The following SPTA1 variants were observed in gnomAD, a reference collection of about 807,000 sequenced individuals.
SPTA1 encodes spectrin alpha chain, erythrocytic 1.
In SPTA1, 177 loss-of-function variants were observed where a neutral mutation model predicts 324.7. The ratio of observed to expected loss-of-function variants is 0.55; its 90% CI spans 0.48 to 0.62. The LOEUF (loss-of-function observed/expected upper bound fraction) is 0.62, where lower values mean the gene tolerates loss of function less well. SPTA1 is among the 20% of genes least tolerant of loss of function. The probability of loss-of-function intolerance (pLI) is 0.00; values close to 1 mark genes in which losing one functional copy is unlikely to be tolerated. For synonymous variants in SPTA1, 1,195 were observed against 1,041.3 expected (o/e 1.15, Z -2.84); for missense variants, 3,162 against 2,883.6 (o/e 1.10, Z -2.21).
Position 158,651,459 on chromosome 1 carries a change from T to C in SPTA1, c.3385A>G (p.Thr1129Ala), listed in dbSNP as rs373158767. ...KFDEFQKDLN[T>A]NEPRLRDINK... ...ATATCCCTTAGCCGAGGCTCATTGG[T>C]ATTCAAATCCTGAATGGGAAAATTC... The change falls in exon 24 of 52, where the codon ACC becomes GCC. Residue 1129 changes from threonine to alanine, a missense_variant. Coordinates refer to ENST00000643759, the MANE Select transcript of SPTA1 (RefSeq NM_003126.4). 6.2e-7 allele frequency: 1 copy of C among 1,611,680 alleles called. No homozygotes were observed. Among genetic ancestry groups the C allele is most frequent in the Non-Finnish European group, 8.5e-7 (1 of 1,177,958 alleles).
At chr1:158,666,938 T>A (rs1208721606) in intron 15 of SPTA1, among the ~76,000 whole-genome samples, 1 of 152,218 alleles carries the variant, frequency 6.6e-6, no homozygotes, top group African/African-American at 2.4e-5. Flanking sequence ...CTTTCCCCCC[T>A]TAGTGCCTGT....
At chr1:158,611,701 T>G (rs1239547452) in intron 51 of SPTA1, 2 of 288,810 alleles carry the variant, frequency 6.9e-6, no homozygotes, top group East Asian at 1.9e-4. Flanking sequence ...ACTTGATCTA[T>G]TTCATCTTCC....
At chr1:158,677,162 A>G (rs1300409496) in intron 7 of SPTA1, among the ~76,000 whole-genome samples, 2 of 152,194 alleles carry the variant, frequency 1.3e-5, no homozygotes, top group Non-Finnish European at 2.9e-5. Context: ...TTAAGAAAAT[A>G]GGCTTGTTCT....
chr1:158,639,905 T>C lies in SPTA1; in HGVS notation c.4840A>G (p.Thr1614Ala). ...CAGAACTCAAAGTCCCGGATGCTTGTGTTGAACCTCTGTTGACGACTGGCC... is the reference window on the plus strand; with the variant it reads ...CAGAACTCAAAGTCCCGGATGCTTGCGTTGAACCTCTGTTGACGACTGGCC... ...NEASRQQRFNTSIRDFEFWLS... is the reference protein window; with the variant it reads ...NEASRQQRFNASIRDFEFWLS... The change falls in exon 34 of 52, where the codon ACA (threonine) becomes GCA (alanine). Residue 1614 changes from threonine to alanine, a missense_variant. Physicochemically the swap from Thr to Ala is moderately conservative, Grantham distance 58. Transcript: ENST00000643759. 1 of 1,613,972 alleles carries C rather than the reference T, an allele frequency of 6.2e-7. No homozygotes were observed. Among genetic ancestry groups the C allele is most frequent in the East Asian group, 2.2e-5 (1 of 44,878 alleles).
chr1:158,633,963 G>C (rs374372302), intron 39 of SPTA1, among the ~76,000 whole-genome samples: 130 of 152,178 alleles, frequency 8.5e-4, no homozygotes, highest in African/African-American at 3.0e-3. Flanking sequence ...AGTTTCCAAA[G>C]TCCTAATACA....
chr1:158,679,010 C>T (rs901046266), intron 5 of SPTA1, among the ~76,000 whole-genome samples: 5 of 152,126 alleles, frequency 3.3e-5, no homozygotes, highest in Non-Finnish European at 5.9e-5. Flanking sequence ...CGTGCTTTCA[C>T]GTATGATTTT....
chr1:158,650,372 C>A (rs756620286), intron 24 of SPTA1, among the ~76,000 whole-genome samples: 1 of 152,162 alleles, frequency 6.6e-6, no homozygotes, highest in African/African-American at 2.4e-5. Context: ...TGTTCCGCTT[C>A]GTATTTCTTC....
intron 5 of SPTA1, among the ~76,000 whole-genome samples, chr1:158,679,064 G>T (rs1337745318): frequency 1.3e-5 from 2 of 152,134 alleles, no homozygotes; most frequent in South Asian, 2.1e-4. Context: ...AAAGTAGTGA[G>T]ATCTGTGAAT....
intron 16 of SPTA1, among the ~76,000 whole-genome samples, chr1:158,664,938 C>G (rs1653490421): frequency 6.6e-6 from 1 of 152,182 alleles, no homozygotes; most frequent in Non-Finnish European, 1.5e-5. Context: ...AGTTCTTTCA[C>G]CTGTTTTGAT....
In SPTA1 at chr1:158,676,303, A is replaced by T; in HGVS notation, c.958-8T>A. The T allele has an allele frequency of 6.2e-7, 1 of 1,613,256 alleles. No homozygotes were observed. On this transcript the variant is annotated splice_polypyrimidine_tract_variant and splice_region_variant and intron_variant, in intron 7 of 51. Coordinates refer to ENST00000643759, the MANE Select transcript of SPTA1 (RefSeq NM_003126.4). ...AGCACATAACTCCTTCACCTTTGGG[A>T]TGAAAAAGAAACCTAGTAGGAAATC...
chr1:158,649,388 T>C (rs1243153213), intron 25 of SPTA1, among the ~76,000 whole-genome samples: 3 of 152,192 alleles, frequency 2.0e-5, no homozygotes, highest in Non-Finnish European at 4.4e-5. Context: ...CAAGTGATCC[T>C]CCCAGCTCAA....
intron 10 of SPTA1, among the ~76,000 whole-genome samples, chr1:158,672,986 G>T (rs1654134214): frequency 6.6e-6 from 1 of 151,972 alleles, no homozygotes; most frequent in South Asian, 2.1e-4. Context: ...GCCGGATGTG[G>T]TGGTGCGCAC....
chr1:158,680,755 T>C, intron 4 of SPTA1, 26 bp from the exon 5 acceptor site: 1 of 1,613,004 alleles, frequency 6.2e-7, no homozygotes, highest in African/African-American at 1.3e-5. Context: ...TTGATTGAGT[T>C]GCCAGCAAAC....
At chr1:158,672,248 C>A (rs1654080604) in intron 10 of SPTA1, 52 bp from the exon 11 acceptor site, 2 of 1,526,558 alleles carry the variant, frequency 1.3e-6, no homozygotes, top group Non-Finnish European at 1.8e-6. Flanking sequence ...TTATTTTATT[C>A]TATATTTATT....
intron 22 of SPTA1, 121 bp downstream of exon 22, chr1:158,653,153 T>A (rs1227667743): frequency 4.0e-6 from 6 of 1,486,802 alleles, no homozygotes; most frequent in Non-Finnish European, 5.6e-6. Context: ...TTTCGATTCT[T>A]AAAATCTTCA....
Position 158,662,915 on chromosome 1 carries a change from C to T in SPTA1, c.2251G>A (p.Ala751Thr). 1 of 1,614,014 alleles carries T rather than the reference C, an allele frequency of 6.2e-7. No homozygotes were observed. Among genetic ancestry groups the T allele is most frequent in the Non-Finnish European group, 8.5e-7 (1 of 1,179,954 alleles). Residue 751 changes from alanine to threonine, a missense_variant, in exon 17 of 52, where the codon GCA becomes ACA. Ala to Thr is a moderately conservative substitution (Grantham distance 58). Coordinates refer to ENST00000643759, the MANE Select transcript of SPTA1 (RefSeq NM_003126.4). ...GGATGGCCTATTTCTTCAAAATATG[C>T]AGCCAGGTCTGTAAGGATATCCACC... ...DQVDILTDLA[A>T]YFEEIGHPDS...
intron 19 of SPTA1, 148 bp from the exon 20 acceptor site, chr1:158,656,804 G>A (rs1652860267): frequency 5.8e-6 from 4 of 685,244 alleles, no homozygotes; most frequent in Non-Finnish European, 1.0e-5. Context: ...CCCTAAATTT[G>A]CAAGCATGAA....
Position 158,680,687 on chromosome 1 carries a change from G to T in SPTA1, c.574C>A (p.Arg192Ser). ...AATTTCTTATGCAGAACTTCGGTGC[G>T]CTCCCAGTCTTCACCTAGCTCCACT... Reference protein sequence around the residue: ...TSVELGEDWERTEVLHKKFED... With the variant: ...TSVELGEDWESTEVLHKKFED... Residue 192 changes from arginine to serine, a missense_variant, in exon 5 of 52, where the codon CGC (arginine) becomes AGC (serine). By Grantham distance (110) the Arg-to-Ser change is moderately radical. Coordinates refer to ENST00000643759, the MANE Select transcript of SPTA1 (RefSeq NM_003126.4). 1 of 1,613,804 alleles carries T rather than the reference G, an allele frequency of 6.2e-7. No homozygotes were observed.
chr1:158,653,428 G>A lies in SPTA1; in HGVS notation c.3037-3C>T. Reference sequence around the variant, plus strand: ...GCAGCTTCCACCTTCCACCAGTCCTGAAGGGAGAGCAGATCCCCACTCCGT... The same window carrying A: ...GCAGCTTCCACCTTCCACCAGTCCTAAAGGGAGAGCAGATCCCCACTCCGT... On this transcript the variant is annotated splice_polypyrimidine_tract_variant and splice_region_variant and intron_variant, in intron 21 of 51. Transcript: ENST00000643759. The A allele has an allele frequency of 6.2e-7, 1 of 1,613,976 alleles. No homozygotes were observed. Among genetic ancestry groups the A allele is most frequent in the Non-Finnish European group, 8.5e-7 (1 of 1,179,978 alleles).
Sources: gnomAD v4.1 joint callset for allele counts (sites outside exome capture counted in the v4.1 genomes callset) on GRCh38, gnomAD v4.1.1 for gene constraint, MANE v1.5 for transcripts, NCBI Gene and HGNC (gene_info 2026-07-23, HGNC 2026-07-21) for gene names.